The following ASIC2 variants were observed in gnomAD, a reference collection of about 807,000 sequenced individuals.
ASIC2 encodes acid-sensing ion channel 2.
A neutral mutation model predicts 57.3 loss-of-function variants in ASIC2; 25 were observed. The ratio of observed to expected loss-of-function variants is 0.44; its 90% CI spans 0.32 to 0.61. The LOEUF (loss-of-function observed/expected upper bound fraction) is 0.61, where lower values mean the gene tolerates loss of function less well. Among genes scored for constraint, ASIC2 ranks in the 20% least tolerant of loss-of-function variants. The pLI is 0.06. For missense variants in ASIC2, 641 were observed against 738.1 expected, an observed-to-expected ratio of 0.87 and a Z score of 1.52; for synonymous variants, 319 against 307.5, an observed-to-expected ratio of 1.04 and a Z score of -0.39.
chr17:33,725,093 G>A (rs1464128473), intron 1 of ASIC2, among the ~76,000 whole-genome samples: 3 of 152,192 alleles, frequency 2.0e-5, no homozygotes, highest in Non-Finnish European at 2.9e-5. Flanking sequence ...CTCAGCACAC[G>A]TGGGGCATCC....
At chr17:34,056,841 C>T (rs530906507) in intron 1 of ASIC2, among the ~76,000 whole-genome samples, 4 of 152,312 alleles carry the variant, frequency 2.6e-5, no homozygotes, top group African/African-American at 7.2e-5. Context: ...AGTTCCTCAT[C>T]GTTGGCTGGG....
At chr17:33,259,057 AC>A (rs1909185072) in intron 1 of ASIC2, among the ~76,000 whole-genome samples, 2 of 152,070 alleles carry the variant, frequency 1.3e-5, no homozygotes, top group African/African-American at 4.8e-5. Context: ...GTCCTGGCAT[AC>A]TCATATTTGC....
chr17:33,114,472 A>G (rs984552102), intron 1 of ASIC2, among the ~76,000 whole-genome samples: 2 of 152,252 alleles, frequency 1.3e-5, no homozygotes, highest in Non-Finnish European at 2.9e-5. Flanking sequence ...TGCTTAAAAT[A>G]TTAATTTGCC....
chr17:33,429,335 G>T (rs1466804236), intron 1 of ASIC2, among the ~76,000 whole-genome samples: 1 of 152,184 alleles, frequency 6.6e-6, no homozygotes, highest in Admixed American at 6.5e-5. Flanking sequence ...GGCTGAGAGA[G>T]CACAGAGGAG....
intron 1 of ASIC2, among the ~76,000 whole-genome samples, chr17:33,302,299 T>C (rs534349670): frequency 3.7e-4 from 57 of 152,310 alleles, no homozygotes; most frequent in African/African-American, 1.4e-3. Flanking sequence ...CATCCACTCA[T>C]GTGACGAAAA....
At position 33,013,838 on chromosome 17, in the gene ASIC2, A is replaced by G. The variant is rs765012256; in HGVS notation, c.*127T>C. The G allele has an allele frequency of 3.7e-5, 30 of 812,454 alleles. No individual in the cohort carries two copies. The highest frequency in any genetic ancestry group is 5.7e-5 in the Non-Finnish European group (28 of 493,218). 50.3% of individuals were successfully genotyped at this position (812,454 alleles called of 1,614,324 possible). The stretch of plus-strand genomic sequence containing the variant: ...GCGAGGTCTAGGCAGCTAGTCTGCA[A>G]TGTGTGCATAGGGGGCTCTTGCTTC... On this transcript the variant is annotated 3_prime_UTR_variant, in exon 10 of 10. Transcript: ENST00000225823.
In ASIC2 at chr17:33,366,362, C is replaced by T. The variant is rs144851435; in HGVS notation, c.556-254295G>A. Among the ~76,000 whole-genome samples, 5 of 152,340 alleles carry T rather than the reference C, an allele frequency of 3.3e-5. No individual in the cohort carries two copies. In the East Asian group the frequency reaches 9.7e-4, roughly 29 times the overall value. ...GGTCTCATCTCCTTCCTCTTATACTCTCTTCCTCCCACTCTCTCTAGATGC... is the reference window on the plus strand; with the variant it reads ...GGTCTCATCTCCTTCCTCTTATACTTTCTTCCTCCCACTCTCTCTAGATGC... On this transcript the variant is annotated intron_variant, in intron 1 of 9. Transcript: ENST00000359872.
chr17:33,794,556 T>C (rs1399348244), intron 1 of ASIC2: 1 of 152,210 alleles, frequency 6.6e-6, no homozygotes. Flanking sequence ...GGTATGTGAC[T>C]ACCTGTTAGA....
intron 1 of ASIC2, among the ~76,000 whole-genome samples, chr17:33,500,547 G>A (rs917084956): frequency 1.3e-5 from 2 of 152,208 alleles, no homozygotes; most frequent in African/African-American, 2.4e-5. Context: ...TGTTAGGAGA[G>A]GTTCAGAAAG....
chr17:33,759,218 T>C (rs568169123), intron 1 of ASIC2, among the ~76,000 whole-genome samples: 1 of 152,328 alleles, frequency 6.6e-6, no homozygotes, highest in East Asian at 1.9e-4. Context: ...ATCCTTGTTG[T>C]AAATTGGCAA....
chr17:33,970,228 T>C (rs1905189818), intron 1 of ASIC2, among the ~76,000 whole-genome samples: 2 of 152,136 alleles, frequency 1.3e-5, no homozygotes, highest in Non-Finnish European at 2.9e-5. Flanking sequence ...TTTCCAGACA[T>C]TATCAAATGT....
chr17:33,255,930 A>C (rs1484730058), intron 1 of ASIC2, among the ~76,000 whole-genome samples: 1 of 152,098 alleles, frequency 6.6e-6, no homozygotes, highest in East Asian at 1.9e-4. Flanking sequence ...TATACCCTCT[A>C]CCTAAGTCAC....
At chr17:34,040,469 G>A (rs1908088457) in intron 1 of ASIC2, among the ~76,000 whole-genome samples, 2 of 150,098 alleles carry the variant, frequency 1.3e-5, no homozygotes, top group African/African-American at 4.9e-5. Context: ...GAAGGTGGGG[G>A]GGGTCCCCGC....
At chr17:33,381,783 C>A (rs115010938) in intron 1 of ASIC2, among the ~76,000 whole-genome samples, 1 of 152,188 alleles carries the variant, frequency 6.6e-6, no homozygotes, top group Non-Finnish European at 1.5e-5. Flanking sequence ...AGCCTCAAAT[C>A]CCAACTCCTC....
intron 1 of ASIC2, among the ~76,000 whole-genome samples, chr17:33,169,250 G>A (rs1265201474): frequency 6.6e-6 from 1 of 152,112 alleles, no homozygotes; most frequent in Non-Finnish European, 1.5e-5. Flanking sequence ...TATAAGAGCT[G>A]TGGAGGCATG....
chr17:33,143,018 G>A (rs1311237847), intron 1 of ASIC2, among the ~76,000 whole-genome samples: 2 of 152,212 alleles, frequency 1.3e-5, no homozygotes, highest in Admixed American at 6.5e-5. Context: ...AGGGCTTAGT[G>A]ATGAGCTGCG....
At chr17:33,814,711 C>T (rs186637241) in intron 1 of ASIC2, among the ~76,000 whole-genome samples, 1 of 152,304 alleles carries the variant, frequency 6.6e-6, no homozygotes, top group Admixed American at 6.5e-5. Flanking sequence ...GTGTGAGTGG[C>T]ACATATGTGC....
intron 1 of ASIC2, among the ~76,000 whole-genome samples, chr17:33,989,089 A>G (rs1238244159): frequency 1.3e-5 from 2 of 152,130 alleles, no homozygotes; most frequent in East Asian, 1.9e-4. Flanking sequence ...GGGGAACCCA[A>G]CCTAAAACAG....
intron 1 of ASIC2, among the ~76,000 whole-genome samples, chr17:34,106,958 T>A (rs1911082800): frequency 6.6e-6 from 1 of 152,182 alleles, no homozygotes; most frequent in Non-Finnish European, 1.5e-5. Context: ...AGCTAAGAAA[T>A]ACATGCATGG....
Sources: gnomAD v4.1 joint callset for allele counts (sites outside exome capture counted in the v4.1 genomes callset) on GRCh38, gnomAD v4.1.1 for gene constraint, MANE v1.5 for transcripts, NCBI Gene and HGNC (gene_info 2026-07-23, HGNC 2026-07-21) for gene names.